The following CFAP47 variants were observed in gnomAD, a reference collection of about 807,000 sequenced individuals.
CFAP47 encodes cilia and flagella associated protein 47.
CFAP47 carries 29 observed loss-of-function variants against 148.1 expected under a neutral mutation model. That is an observed-to-expected ratio of 0.20 (90% CI 0.15 to 0.27). The LOEUF (loss-of-function observed/expected upper bound fraction) is 0.27. Ranked by LOEUF, CFAP47 falls within the 10% of genes least tolerant of loss-of-function variation. The pLI is 1.00. For missense variants in CFAP47, 1,872 were observed against 1,697.5 expected, an observed-to-expected ratio of 1.10 and a Z score of -1.81; for synonymous variants, 664 against 577.3, an observed-to-expected ratio of 1.15 and a Z score of -2.15.
At chrX:36,057,418 G>A (rs971754456) in intron 26 of CFAP47, among the ~76,000 whole-genome samples, 6 of 111,488 alleles carry the variant, frequency 5.4e-5, no homozygotes, top group Non-Finnish European at 1.1e-4. Flanking sequence ...GTGATTGATA[G>A]CAAGTCAAAC....
Position 36,039,029 on chromosome X carries a change from A to G in CFAP47, c.3857A>G (p.Tyr1286Cys). The G allele has an allele frequency of 8.8e-7, 1 of 1,134,396 alleles. No homozygotes were observed. Among genetic ancestry groups the G allele is most frequent in the Non-Finnish European group, 1.2e-6 (1 of 849,327 alleles). The allele number at this position is 1,134,396 out of a possible 1,213,427, so 93.5% of individuals were successfully genotyped here. A position where few individuals can be genotyped will look rare whatever the true frequency, so the allele number is the denominator to read the frequency against. ...GCAGATATTCCTATGCTTTTAAATT[A>G]TATTCCAGTTTGCTATAAAATATTA... Reference protein sequence around the residue: ...YTADIPMLLNYIPVCYKILHL... With the variant: ...YTADIPMLLNCIPVCYKILHL... Residue 1286 changes from tyrosine (Y) to cysteine (C), a missense_variant, in exon 25 of 64, where the codon TAT (tyrosine) becomes TGT (cysteine). Coordinates refer to ENST00000378653, the MANE Select transcript of CFAP47 (RefSeq NM_001304548.2).
intron 2 of CFAP47, among the ~76,000 whole-genome samples, chrX:35,931,386 C>T (rs1181492376): frequency 1.8e-5 from 2 of 110,665 alleles, no homozygotes; most frequent in Middle Eastern, 4.7e-3. Flanking sequence ...TTTTCCTATT[C>T]GTTTACTTTC....
intron 51 of CFAP47, 94 bp downstream of exon 51, chrX:36,285,820 C>A (rs1360357089): frequency 1.3e-5 from 8 of 628,579 alleles, no homozygotes; most frequent in African/African-American, 1.2e-4. Flanking sequence ...CTTAAAAGGT[C>A]TGTATCAGAT....
chrX:35,927,099 G>A (rs1210086956), intron 2 of CFAP47, among the ~76,000 whole-genome samples: 1 of 107,812 alleles, frequency 9.3e-6, no homozygotes, highest in African/African-American at 3.4e-5. Context: ...AGGCTACAGC[G>A]AGCCGAGATC....
chrX:36,160,985 C>G (rs1229583276), intron 39 of CFAP47, among the ~76,000 whole-genome samples: 2 of 108,631 alleles, frequency 1.8e-5, no homozygotes, highest in African/African-American at 6.7e-5. Context: ...GTAGCTGGGA[C>G]TACAGGGGTG....
intron 29 of CFAP47, among the ~76,000 whole-genome samples, chrX:36,079,490 C>A (rs1937931607): frequency 9.0e-6 from 1 of 111,571 alleles, no homozygotes; most frequent in Non-Finnish European, 1.9e-5. Context: ...CTTGTGCATG[C>A]ATCACGTAGT....
At chrX:36,039,594 A>G (rs1937379198) in intron 25 of CFAP47, among the ~76,000 whole-genome samples, 1 of 112,257 alleles carries the variant, frequency 8.9e-6, no homozygotes, top group African/African-American at 3.2e-5. Context: ...TGAGTGTCTC[A>G]ATAAGCAGAA....
At chrX:36,145,165 G>C (rs962656971) in intron 35 of CFAP47, 54 bp from the exon 36 acceptor site, 3 of 289,276 alleles carry the variant, frequency 1.0e-5, no homozygotes, top group Admixed American at 1.2e-4. Flanking sequence ...CTCTACCTAT[G>C]TAGAACTCTA....
chrX:36,289,082 C>T (rs936263244), intron 51 of CFAP47, among the ~76,000 whole-genome samples: 15 of 97,129 alleles, frequency 1.5e-4, no homozygotes, highest in African/African-American at 5.4e-4. Flanking sequence ...CTCACCACAA[C>T]ATCCGCCTCC....
intron 42 of CFAP47, among the ~76,000 whole-genome samples, chrX:36,194,512 A>T (rs1323837723): frequency 8.9e-6 from 1 of 111,868 alleles, no homozygotes; most frequent in Non-Finnish European, 1.9e-5. Context: ...TACTATAAAG[A>T]ACTACCTGGA....
At chrX:36,042,460 A>C (rs1937417291) in intron 25 of CFAP47, among the ~76,000 whole-genome samples, 1 of 111,546 alleles carries the variant, frequency 9.0e-6, no homozygotes, top group African/African-American at 3.2e-5. Flanking sequence ...AGGCAAATAT[A>C]ACTTAAATAC....
intron 56 of CFAP47, among the ~76,000 whole-genome samples, chrX:36,316,429 T>C (rs1941434088): frequency 8.9e-6 from 1 of 112,325 alleles, no homozygotes; most frequent in Non-Finnish European, 1.9e-5. Flanking sequence ...TATCAAAGGA[T>C]TTCTTATTAC....
intron 26 of CFAP47, among the ~76,000 whole-genome samples, chrX:36,060,005 C>A (rs777246115): frequency 9.0e-6 from 1 of 111,278 alleles, no homozygotes; most frequent in African/African-American, 3.3e-5. Flanking sequence ...GATCTGTACA[C>A]ACTGGCTCTT....
At chrX:36,081,155 T>C (rs1937974049) in intron 29 of CFAP47, among the ~76,000 whole-genome samples, 1 of 110,982 alleles carries the variant, frequency 9.0e-6, no homozygotes, top group African/African-American at 3.3e-5. Context: ...TCAAAATCAC[T>C]AAATGTGGCA....
At chrX:36,350,711 C>T (rs1393324705) in intron 59 of CFAP47, among the ~76,000 whole-genome samples, 1 of 107,529 alleles carries the variant, frequency 9.3e-6, no homozygotes, top group Non-Finnish European at 1.9e-5. Context: ...TTTGCCTCGG[C>T]ATACCCTAGA....
chrX:36,379,551 T>G, intron 63 of CFAP47, 33 bp downstream of exon 63: 1 of 1,023,533 alleles, frequency 9.8e-7, no homozygotes, highest in Non-Finnish European at 1.3e-6. Context: ...CCAAGGATGT[T>G]TGATGCAACT....
intron 49 of CFAP47, among the ~76,000 whole-genome samples, chrX:36,268,198 G>A (rs1556001344): frequency 8.8e-6 from 1 of 113,601 alleles, no homozygotes; most frequent in Non-Finnish European, 1.9e-5. Flanking sequence ...ACAGCTGCAG[G>A]TGTCCAGTCA....
chrX:36,172,799 T>C (rs1345491374), intron 39 of CFAP47, among the ~76,000 whole-genome samples: 1 of 111,902 alleles, frequency 8.9e-6, no homozygotes, highest in Non-Finnish European at 1.9e-5. Context: ...GGTATCAGGA[T>C]GATGCTGGCC....
Position 36,384,895 on chromosome X carries a change from A to G in CFAP47, c.9453A>G (p.Thr3151=), listed in dbSNP as rs1363812767. 5 of 1,163,153 alleles carry G rather than the reference A, an allele frequency of 4.3e-6. No homozygotes were observed. The highest frequency in any genetic ancestry group is 5.7e-6 in the Non-Finnish European group (5 of 870,037). Residue 3151 remains threonine, a synonymous_variant, in exon 64 of 64, where the codon ACA becomes ACG. Coordinates refer to ENST00000378653, the MANE Select transcript of CFAP47 (RefSeq NM_001304548.2). The part of the protein sequence containing the change: ...AKAKIDATHK[T]HDNMPVRPHN... ...CCAAAATTGATGCTACTCACAAGAC[A>G]CATGACAACATGCCAGTCCGTCCAC...
Sources: gnomAD v4.1 joint callset for allele counts (sites outside exome capture counted in the v4.1 genomes callset) on GRCh38, gnomAD v4.1.1 for gene constraint, MANE v1.5 for transcripts, NCBI Gene and HGNC (gene_info 2026-07-23, HGNC 2026-07-21) for gene names.